Variants in RBFOX1 observed in about 807,000 individuals in gnomAD.
RBFOX1 encodes RNA binding fox-1 homolog 1.
In RBFOX1, 8 loss-of-function variants were observed where a neutral mutation model predicts 57.7. The observed-to-expected ratio is 0.14, with a 90% CI of 0.08 to 0.25. The LOEUF (loss-of-function observed/expected upper bound fraction) is 0.25, where lower values mean the gene tolerates loss of function less well. Among genes scored for constraint, RBFOX1 ranks in the 10% least tolerant of loss-of-function variants. The pLI is 1.00. For missense variants in RBFOX1, 611 were observed against 548.5 expected, an observed-to-expected ratio of 1.11 and a Z score of -1.14; for synonymous variants, 326 against 222.4, an observed-to-expected ratio of 1.47 and a Z score of -4.15.
chr16:6,070,838 G>A (rs1404641320), intron 1 of RBFOX1, among the ~76,000 whole-genome samples: 1 of 150,494 alleles, frequency 6.6e-6, no homozygotes, highest in Admixed American at 6.7e-5. Context: ...ACACACATTT[G>A]CACTAAACTT....
intron 4 of RBFOX1, among the ~76,000 whole-genome samples, chr16:6,007,014 C>G (rs567440309): frequency 8.6e-5 from 13 of 151,904 alleles, no homozygotes; most frequent in Non-Finnish European, 1.8e-4. Context: ...TGGATTTACC[C>G]TCTCTCCCCA....
intron 3 of RBFOX1, among the ~76,000 whole-genome samples, chr16:5,852,059 T>C (rs761428191): frequency 1.2e-4 from 18 of 152,186 alleles, no homozygotes; most frequent in African/African-American, 4.3e-4. Flanking sequence ...TAAGGATCAA[T>C]TGGCATTATA....
chr16:5,456,188 C>G (rs572420882), intron 1 of RBFOX1, among the ~76,000 whole-genome samples: 3 of 152,164 alleles, frequency 2.0e-5, no homozygotes, highest in African/African-American at 7.2e-5. Context: ...GCCCATTTCT[C>G]CATGCCACTA....
chr16:7,317,855 T>C (rs1568182898), intron 4 of RBFOX1, among the ~76,000 whole-genome samples: 1 of 152,206 alleles, frequency 6.6e-6, no homozygotes, highest in Non-Finnish European at 1.5e-5. Context: ...CACAAAGACA[T>C]AGCATTGTTA....
intron 2 of RBFOX1, among the ~76,000 whole-genome samples, chr16:6,368,991 C>T (rs776974860): frequency 1.4e-4 from 22 of 152,110 alleles, no homozygotes; most frequent in Non-Finnish European, 2.8e-4. Context: ...GTTATCCTCA[C>T]TTGTGTAAAA....
intron 4 of RBFOX1, among the ~76,000 whole-genome samples, chr16:7,408,495 G>T (rs2149012366): frequency 6.6e-6 from 1 of 152,304 alleles, no homozygotes; most frequent in Admixed American, 6.5e-5. Flanking sequence ...TTGATCTGCT[G>T]AGAAGTAGCT....
At chr16:6,877,791 A>G (rs187734263) in intron 3 of RBFOX1, among the ~76,000 whole-genome samples, 7 of 152,108 alleles carry the variant, frequency 4.6e-5, no homozygotes, top group Non-Finnish European at 7.4e-5. Flanking sequence ...GCATGCAGTT[A>G]CATTTTGCTT....
At chr16:7,664,773 G>A (rs368066175) in intron 12 of RBFOX1, 156 bp from the exon 13 acceptor site, 196 of 1,362,344 alleles carry the variant, frequency 1.4e-4, no homozygotes, top group Non-Finnish European at 1.6e-4. Context: ...CTCAACTGCC[G>A]TTGTCTCCAA....
chr16:7,441,818 T>G (rs1318808079), intron 4 of RBFOX1, among the ~76,000 whole-genome samples: 1 of 152,124 alleles, frequency 6.6e-6, no homozygotes, highest in East Asian at 1.9e-4. Flanking sequence ...TACTCAGGAC[T>G]CACCTTCGCC....
intron 5 of RBFOX1, among the ~76,000 whole-genome samples, chr16:7,520,314 A>C (rs1045507919): frequency 6.6e-6 from 1 of 152,200 alleles, no homozygotes; most frequent in Non-Finnish European, 1.5e-5. Context: ...TACACATTTC[A>C]ATAGCATTCA....
chr16:7,554,887 G>A (rs993106677), intron 5 of RBFOX1, among the ~76,000 whole-genome samples: 2 of 152,124 alleles, frequency 1.3e-5, no homozygotes, highest in African/African-American at 4.8e-5. Flanking sequence ...CTATTAGGGA[G>A]AACGGAGTAA....
chr16:6,965,701 A>C (rs2083988222), intron 3 of RBFOX1, among the ~76,000 whole-genome samples: 1 of 152,196 alleles, frequency 6.6e-6, no homozygotes, highest in Admixed American at 6.5e-5. Context: ...TCTGAACTTA[A>C]AAAGTAGATG....
At position 7,579,887 on chromosome 16, in the gene RBFOX1, G is replaced by T; in HGVS notation, c.381G>T (p.Arg127Ser). Reference protein sequence around the residue: ...KRLHVSNIPFRFRDPDLRQMF... With the variant: ...KRLHVSNIPFSFRDPDLRQMF... ...TGCATGTCTCCAATATCCCCTTCAG[G>T]TTCCGGGATCCGGACCTCAGACAAA... Residue 127 changes from arginine to serine, a missense_variant, in exon 6 of 16, where the codon AGG becomes AGT. Physicochemically the swap from Arg to Ser is moderately radical, Grantham distance 110 (BLOSUM62 -1). This residue lies in a region of RBFOX1 where 99 missense variants were observed against 160.3 expected (regional missense o/e 0.62). Transcript: ENST00000550418. The T allele has an allele frequency of 1.9e-6, 3 of 1,614,040 alleles. No homozygotes were observed. Among genetic ancestry groups the T allele is most frequent in the Non-Finnish European group, 2.5e-6 (3 of 1,179,964 alleles).
chr16:6,859,171 ATATG>A (rs1567593386), intron 3 of RBFOX1, among the ~76,000 whole-genome samples: 9 of 78,644 alleles, frequency 1.1e-4, no homozygotes, highest in African/African-American at 4.0e-4. Flanking sequence ...ATACGTATAT[ATATG>A]TATATATATG....
At chr16:7,564,313 G>A (rs757720526) in intron 5 of RBFOX1, among the ~76,000 whole-genome samples, 3 of 152,078 alleles carry the variant, frequency 2.0e-5, no homozygotes, top group South Asian at 4.2e-4. Flanking sequence ...GCAGAGGTGG[G>A]TAGATCGCGA....
At chr16:5,591,600 T>G (rs994634777) in intron 2 of RBFOX1, among the ~76,000 whole-genome samples, 2 of 152,206 alleles carry the variant, frequency 1.3e-5, no homozygotes, top group Non-Finnish European at 2.9e-5. Flanking sequence ...CTTCTGAAGA[T>G]TTCAGTGGAT....
chr16:5,995,310 C>G (rs2060471766), intron 4 of RBFOX1, among the ~76,000 whole-genome samples: 1 of 152,104 alleles, frequency 6.6e-6, no homozygotes, highest in Non-Finnish European at 1.5e-5. Context: ...GAGCCCAAAT[C>G]CACATATTGT....
At chr16:7,397,546 T>C (rs2098162647) in intron 4 of RBFOX1, among the ~76,000 whole-genome samples, 1 of 152,164 alleles carries the variant, frequency 6.6e-6, no homozygotes, top group Admixed American at 6.5e-5. Flanking sequence ...AGTTTTTTTC[T>C]GAACTTTGAA....
chr16:6,150,767 G>A (rs1245793757), intron 1 of RBFOX1, among the ~76,000 whole-genome samples: 1 of 152,118 alleles, frequency 6.6e-6, no homozygotes, highest in African/African-American at 2.4e-5. Context: ...CTATCCCTAA[G>A]AGCTAGATTT....
Sources: gnomAD v4.1 joint callset for allele counts (sites outside exome capture counted in the v4.1 genomes callset) on GRCh38, gnomAD v4.1.1 for gene constraint, gnomAD v4.1.1 regional missense constraint, MANE v1.5 for transcripts, NCBI Gene and HGNC (gene_info 2026-07-23, HGNC 2026-07-21) for gene names.